Variants in LSAMP observed in about 807,000 individuals in gnomAD.
The protein encoded by LSAMP is limbic system-associated membrane protein.
A neutral mutation model predicts 38.6 loss-of-function variants in LSAMP; 7 were observed. The observed-to-expected ratio is 0.18, with a 90% CI of 0.10 to 0.34. LSAMP has a LOEUF of 0.34. LSAMP is among the 10% of genes least tolerant of loss of function. The pLI, the probability that LSAMP is intolerant of heterozygous loss-of-function variation, is 1.00. For synonymous variants in LSAMP, 154 were observed against 166.8 expected (o/e 0.92, Z 0.59); for missense variants, 313 against 420.0 (o/e 0.75, Z 2.23).
chr3:116,087,501 G>C (rs1404975249), intron 1 of LSAMP, among the ~76,000 whole-genome samples: 1 of 152,182 alleles, frequency 6.6e-6, no homozygotes, highest in Non-Finnish European at 1.5e-5. Context: ...AAAACCTTCT[G>C]TCTGCATCCC....
intron 1 of LSAMP, among the ~76,000 whole-genome samples, chr3:116,341,249 AATATT>A (rs2047991407): frequency 6.6e-6 from 1 of 152,034 alleles, no homozygotes; most frequent in Non-Finnish European, 1.5e-5. Context: ...GAAAAAAACT[AATATT>A]ATATATAAAA....
intron 3 of LSAMP, among the ~76,000 whole-genome samples, chr3:115,866,270 A>G (rs1252786259): frequency 6.6e-6 from 1 of 152,106 alleles, no homozygotes; most frequent in African/African-American, 2.4e-5. Flanking sequence ...ACAAAAGCCA[A>G]TGCTGACTGC....
At chr3:115,863,420 TG>T in intron 3 of LSAMP, among the ~76,000 whole-genome samples, 1 of 151,818 alleles carries the variant, frequency 6.6e-6, no homozygotes, top group East Asian at 1.9e-4. Context: ...TGGGTGGTGG[TG>T]GAGGGGTGGG....
chr3:116,136,255 C>T (rs9850324), intron 1 of LSAMP, among the ~76,000 whole-genome samples: 1,550 of 152,208 alleles, frequency 0.01, 21 homozygotes, highest in African/African-American at 0.034. Context: ...TCAGTCAGAC[C>T]GATAGCTACT....
chr3:116,382,232 T>C (rs1208539910), intron 1 of LSAMP, among the ~76,000 whole-genome samples: 1 of 152,030 alleles, frequency 6.6e-6, no homozygotes, highest in Non-Finnish European at 1.5e-5. Flanking sequence ...CTATTCACAA[T>C]AGCAAATACT....
At chr3:115,836,925 T>A (rs1435115675) in intron 6 of LSAMP, among the ~76,000 whole-genome samples, 1 of 152,110 alleles carries the variant, frequency 6.6e-6, no homozygotes, top group Non-Finnish European at 1.5e-5. Flanking sequence ...GGACCATGGG[T>A]GCACGCCACC....
At chr3:116,158,872 AAGG>A (rs1287930171) in intron 1 of LSAMP, among the ~76,000 whole-genome samples, 1 of 152,172 alleles carries the variant, frequency 6.6e-6, no homozygotes, top group Admixed American at 6.6e-5. Context: ...GAGAACCAAA[AAGG>A]AGCCCAAACA....
intron 1 of LSAMP, among the ~76,000 whole-genome samples, chr3:116,382,795 G>A (rs781494496): frequency 2.0e-5 from 3 of 152,030 alleles, no homozygotes; most frequent in African/African-American, 4.8e-5. Context: ...TGTCTATTAT[G>A]GGAGTAAAAG....
Position 115,806,726 on chromosome 3 carries a change from C to G in LSAMP, c.*3591G>C, listed in dbSNP as rs1390513602. On this transcript the variant is annotated 3_prime_UTR_variant, in exon 7 of 7. Transcript: ENST00000490035. ...AGAAGGCAAAGGTCAATGGGGCAGTCCTTCCTGAGAGAAAACCCATCTGCT... is the reference window on the plus strand; with the variant it reads ...AGAAGGCAAAGGTCAATGGGGCAGTGCTTCCTGAGAGAAAACCCATCTGCT... 1 of 152,170 alleles carries G rather than the reference C, an allele frequency of 6.6e-6. No homozygotes were observed. Among genetic ancestry groups the G allele is most frequent in the Admixed American group, 6.5e-5 (1 of 15,280 alleles). 9.4% of individuals were successfully genotyped at this position (152,170 alleles called of 1,614,324 possible). A position where few individuals can be genotyped will look rare whatever the true frequency, so the allele number is the denominator to read the frequency against.
chr3:116,314,746 T>C (rs1406599949), intron 1 of LSAMP, among the ~76,000 whole-genome samples: 1 of 152,208 alleles, frequency 6.6e-6, no homozygotes, highest in African/African-American at 2.4e-5. Flanking sequence ...TTAGTGCTGC[T>C]ATTTTTAGAG....
chr3:116,367,508 T>C lies in LSAMP; in HGVS notation c.155+77369A>G, dbSNP rs2048370046. ...TTTATTTTCTTCCTTTTTTTTTTTT[T>C]TTTGTCCTTTTTTGAGACAGAGCTT... On this transcript the variant is annotated intron_variant, in intron 1 of 6. Coordinates refer to ENST00000490035, the MANE Select transcript of LSAMP (RefSeq NM_002338.5). Among the ~76,000 whole-genome samples the C allele has an allele frequency of 2.7e-5, 4 of 150,730 alleles. No homozygotes were observed. In the South Asian group the frequency reaches 8.5e-4, roughly 32 times the overall value.
At chr3:116,121,945 G>A (rs1385547324) in intron 1 of LSAMP, among the ~76,000 whole-genome samples, 2 of 148,318 alleles carry the variant, frequency 1.3e-5, no homozygotes, top group Admixed American at 6.8e-5. Context: ...TTTTATGTGC[G>A]GCCCAAGACA....
chr3:115,900,240 C>T (rs1316272311), intron 3 of LSAMP, among the ~76,000 whole-genome samples: 1 of 152,006 alleles, frequency 6.6e-6, no homozygotes, highest in Non-Finnish European at 1.5e-5. Flanking sequence ...TTCAGCTGGG[C>T]GTGGTGGCTC....
At chr3:115,867,234 G>A (rs143885012) in intron 3 of LSAMP, among the ~76,000 whole-genome samples, 4 of 152,052 alleles carry the variant, frequency 2.6e-5, no homozygotes, top group African/African-American at 7.2e-5. Context: ...TGAGCAGGAG[G>A]CCTTGGAATA....
intron 3 of LSAMP, among the ~76,000 whole-genome samples, chr3:115,952,485 T>C (rs770373731): frequency 1.3e-5 from 2 of 152,174 alleles, no homozygotes; most frequent in Non-Finnish European, 2.9e-5. Context: ...CCAAATATCA[T>C]ATGTACTCAC....
intron 1 of LSAMP, among the ~76,000 whole-genome samples, chr3:116,122,769 C>G (rs977968413): frequency 1.4e-4 from 21 of 152,130 alleles, no homozygotes; most frequent in Non-Finnish European, 5.9e-5. Context: ...TCACAGGAAG[C>G]CAAAAGAAGC....
chr3:116,237,353 A>C (rs1222680365), intron 1 of LSAMP, among the ~76,000 whole-genome samples: 1 of 152,180 alleles, frequency 6.6e-6, no homozygotes, highest in Admixed American at 6.6e-5. Flanking sequence ...TTTTGTAAAT[A>C]TATCCTTTTT....
chr3:116,334,474 T>C (rs1023374299), intron 1 of LSAMP, among the ~76,000 whole-genome samples: 3 of 152,044 alleles, frequency 2.0e-5, no homozygotes, highest in African/African-American at 4.8e-5. Context: ...CTTATGAACA[T>C]TGATGCAAAT....
chr3:116,096,932 C>T (rs146745467), intron 1 of LSAMP, among the ~76,000 whole-genome samples: 16 of 152,294 alleles, frequency 1.1e-4, no homozygotes, highest in African/African-American at 2.6e-4. Context: ...CTCTTTCCTC[C>T]GTATACAGTT....
Sources: gnomAD v4.1 joint callset for allele counts (sites outside exome capture counted in the v4.1 genomes callset) on GRCh38, gnomAD v4.1.1 for gene constraint, MANE v1.5 for transcripts, NCBI Gene and HGNC (gene_info 2026-07-23, HGNC 2026-07-21) for gene names.